CCDC30: variants seen among roughly 807,000 people sequenced by gnomAD.
CCDC30 encodes the protein coiled-coil domain containing 30.
CCDC30 carries 70 observed loss-of-function variants against 100.2 expected under a neutral mutation model. That is an observed-to-expected ratio of 0.70 (90% CI 0.58 to 0.85). The LOEUF (loss-of-function observed/expected upper bound fraction) is 0.85. Among genes scored for constraint, CCDC30 ranks in the 40% least tolerant of loss-of-function variants. CCDC30 has a pLI of 0.00. For missense variants in CCDC30, 652 were observed against 771.2 expected (o/e 0.85, Z 1.83); for synonymous variants, 233 against 269.5 (o/e 0.86, Z 1.33).
chr1:42,490,088 G>C, intron 3 of CCDC30, 70 bp from the exon 4 acceptor site: 1 of 519,982 alleles, frequency 1.9e-6, no homozygotes, highest in East Asian at 3.7e-5. Context: ...CAGAGAGAGA[G>C]AGTCATTTGA....
rs538626979 is a variant in CCDC30, at chr1:42,536,290, C to T, written c.457-30006C>T. On this transcript the variant is annotated intron_variant, in intron 6 of 16. Coordinates refer to ENST00000668663, the Ensembl canonical transcript of CCDC30. ...AATGTAGGTAGAACAAGTGTTACTACATTTTACCATTGTGTAAATTAAGGC... is the reference window on the plus strand; with the variant it reads ...AATGTAGGTAGAACAAGTGTTACTATATTTTACCATTGTGTAAATTAAGGC... 3.3e-5 allele frequency among the ~76,000 whole-genome samples: 5 copies of T among 152,228 alleles called. No homozygotes were observed. In the East Asian group the frequency reaches 9.6e-4, roughly 29 times the overall value.
intron 8 of CCDC30, chr1:42,580,989 C>A: frequency 2.7e-6 from 1 of 376,090 alleles, no homozygotes; most frequent in Admixed American, 3.7e-5. Flanking sequence ...CAGGTACTCA[C>A]CACCACGCCC....
chr1:42,526,294 T>G (rs1355350405), intron 6 of CCDC30, among the ~76,000 whole-genome samples: 2 of 152,194 alleles, frequency 1.3e-5, no homozygotes, highest in Non-Finnish European at 2.9e-5. Flanking sequence ...CTCTTCCATG[T>G]GTAAGGGTGA....
intron 2 of CCDC30, among the ~76,000 whole-genome samples, chr1:42,481,525 C>T (rs935868361): frequency 2.1e-5 from 3 of 144,442 alleles, no homozygotes; most frequent in South Asian, 2.2e-4. Context: ...TGCAGTGAGC[C>T]GAGATTATGT....
At chr1:42,474,406 G>A (rs374285138) in intron 1 of CCDC30, among the ~76,000 whole-genome samples, 7 of 152,264 alleles carry the variant, frequency 4.6e-5, no homozygotes, top group East Asian at 3.9e-4. Flanking sequence ...TTGGCACCTA[G>A]CAAGTGTTCA....
At chr1:42,632,377 G>C (rs1322764798) in intron 11 of CCDC30, among the ~76,000 whole-genome samples, 3 of 152,134 alleles carry the variant, frequency 2.0e-5, no homozygotes, top group Non-Finnish European at 2.9e-5. Flanking sequence ...TGAGGCAGGA[G>C]AATTGCTTGA....
At chr1:42,530,266 A>G (rs1182840776) in intron 6 of CCDC30, among the ~76,000 whole-genome samples, 1 of 152,226 alleles carries the variant, frequency 6.6e-6, no homozygotes, top group Non-Finnish European at 1.5e-5. Context: ...AAGAAGGATA[A>G]GTACAGTACA....
chr1:42,460,476 A>C (rs1643381250), upstream of CCDC30: 1 of 675,920 alleles, frequency 1.5e-6, no homozygotes, highest in East Asian at 1.3e-4. Flanking sequence ...ACCTCCCTGA[A>C]GATAGATTGT....
In CCDC30 at chr1:42,550,455, C is replaced by T. The variant is rs112293425; in HGVS notation, c.457-15841C>T. ...AAACCATTACCATGACCCATAAGGC[C>T]CTCCATGACTTGGCCTCTACCTACC... On this transcript the variant is annotated intron_variant, in intron 6 of 16. Transcript: ENST00000668663. Among the ~76,000 whole-genome samples the T allele has an allele frequency of 6.2e-3, 950 of 152,268 alleles. 6 individuals are homozygous for T. The highest frequency in any genetic ancestry group is 0.021 in the African/African-American group (887 of 41,534).
intron 3 of CCDC30, among the ~76,000 whole-genome samples, chr1:42,487,375 A>C (rs571846921): frequency 6.6e-6 from 1 of 152,288 alleles, no homozygotes; most frequent in East Asian, 1.9e-4. Context: ...ATTAGGTGAA[A>C]ATCTAAGGTG....
At chr1:42,457,112 A>G in the CCDC30 span, 1 of 1,575,558 alleles carries the variant, frequency 6.3e-7, no homozygotes, top group Non-Finnish European at 8.6e-7. Context: ...CTGGAAGCAC[A>G]GCCTTTCTTT....
At chr1:42,495,838 A>T (rs1183223311) in intron 4 of CCDC30, among the ~76,000 whole-genome samples, 7 of 152,360 alleles carry the variant, frequency 4.6e-5, no homozygotes, top group African/African-American at 1.7e-4. Context: ...TCTTCCAGAA[A>T]ATTGAAGAAG....
At chr1:42,544,960 A>G (rs1645092612) in intron 6 of CCDC30, among the ~76,000 whole-genome samples, 1 of 152,018 alleles carries the variant, frequency 6.6e-6, no homozygotes, top group African/African-American at 2.4e-5. Flanking sequence ...ATTCTTTCTA[A>G]TGTTTTCTGG....
At chr1:42,488,056 G>T (rs1458997124) in intron 3 of CCDC30, among the ~76,000 whole-genome samples, 1 of 152,142 alleles carries the variant, frequency 6.6e-6, no homozygotes, top group Non-Finnish European at 1.5e-5. Context: ...CCATAAGTTG[G>T]TAATTGTTAA....
intron 6 of CCDC30, among the ~76,000 whole-genome samples, chr1:42,527,813 T>C (rs1242371712): frequency 6.6e-6 from 1 of 152,122 alleles, no homozygotes; most frequent in East Asian, 1.9e-4. Context: ...TTTTCTAATC[T>C]TTTAACCTCA....
chr1:42,646,108 T>A (rs901266781), intron 14 of CCDC30, 27 bp from the exon 19 acceptor site: 3 of 1,542,652 alleles, frequency 1.9e-6, no homozygotes, highest in Non-Finnish European at 2.6e-6. Context: ...TTGAAATAAA[T>A]AACTCCAAAA....
chr1:42,472,252 C>A lies in CCDC30; in HGVS notation c.-91-8209C>A, dbSNP rs150542384. Among the ~76,000 whole-genome samples the A allele has an allele frequency of 2.3e-3, 346 of 151,392 alleles. 2 individuals are homozygous for A. Among genetic ancestry groups the A allele is most frequent in the African/African-American group, 8.1e-3 (333 of 41,310 alleles). ...TGGGCAACAGAGGTAGACTCCATCT[C>A]AAAGAAAAAAAAATAGTTAGTGGCT... On this transcript the variant is annotated intron_variant, in intron 1 of 16. Coordinates refer to ENST00000668663, the Ensembl canonical transcript of CCDC30.
chr1:42,555,167 G>A (rs898696299), intron 6 of CCDC30, among the ~76,000 whole-genome samples: 10 of 152,060 alleles, frequency 6.6e-5, no homozygotes, highest in Admixed American at 5.2e-4. Context: ...CTCTCAAATG[G>A]TTTCCCTGCC....
intron 6 of CCDC30, chr1:42,510,016 T>C (rs1401440193): frequency 2.1e-6 from 2 of 960,820 alleles, no homozygotes; most frequent in African/African-American, 3.5e-5. Flanking sequence ...TTATAAACCA[T>C]GAAAAAAGGA....
Sources: gnomAD v4.1 joint callset for allele counts (sites outside exome capture counted in the v4.1 genomes callset) on GRCh38, gnomAD v4.1.1 for gene constraint, MANE v1.5 for transcripts, NCBI Gene and HGNC (gene_info 2026-07-23, HGNC 2026-07-21) for gene names.